The following LAMA3 variants were observed in gnomAD, a reference collection of about 807,000 sequenced individuals.
The protein encoded by LAMA3 is laminin subunit alpha-3.
Under a neutral mutation model 402.0 loss-of-function variants are expected in LAMA3, and 281 were observed. The observed-to-expected ratio is 0.70, with a 90% CI of 0.63 to 0.77. LAMA3 has a LOEUF of 0.77. Among genes scored for constraint, LAMA3 ranks in the 30% least tolerant of loss-of-function variants. The pLI, the probability that LAMA3 is intolerant of heterozygous loss-of-function variation, is 0.00. For missense variants in LAMA3, 3,840 were observed against 4,215.5 expected, an observed-to-expected ratio of 0.91 and a Z score of 2.47; for synonymous variants, 1,431 against 1,558.4, an observed-to-expected ratio of 0.92 and a Z score of 1.93.
Position 23,867,911 on chromosome 18 carries a change from G to T in LAMA3, c.4761G>T (p.Val1587=). Residue 1587 remains valine (V), a synonymous_variant, in exon 37 of 75, where the codon GTG becomes GTT. Coordinates refer to ENST00000313654, the MANE Select transcript of LAMA3 (RefSeq NM_198129.4). ...GGCTGCATCATGGACGAGTGCACGTGGTCGAGGTAAAGGAAGAGCAACCAT... is the reference window on the plus strand; with the variant it reads ...GGCTGCATCATGGACGAGTGCACGTTGTCGAGGTAAAGGAAGAGCAACCAT... ...PDRLHHGRVH[V]VEGNFRHASS... 1 of 1,613,736 alleles carries T rather than the reference G, an allele frequency of 6.2e-7. No homozygotes were observed. Among genetic ancestry groups the T allele is most frequent in the Non-Finnish European group, 8.5e-7 (1 of 1,179,716 alleles).
intron 2 of LAMA3, among the ~76,000 whole-genome samples, chr18:23,733,097 C>T (rs2061419451): frequency 6.6e-6 from 1 of 152,074 alleles, no homozygotes; most frequent in Admixed American, 6.6e-5. Context: ...GCCCAGGGAG[C>T]CAAGCAGAGG....
chr18:23,689,520 C>G lies in LAMA3; in HGVS notation c.-164C>G. 1.6e-6 allele frequency: 1 copy of G among 607,398 alleles called. No individual in the cohort carries two copies. The highest frequency in any genetic ancestry group is 2.4e-6 in the Non-Finnish European group (1 of 424,098). 37.6% of individuals were successfully genotyped at this position (607,398 alleles called of 1,614,324 possible). A position where few individuals can be genotyped will look rare whatever the true frequency, so the allele number is the denominator to read the frequency against. ...CCAGAGCTGAGAGGCCACCCCCACG[C>G]CGCGGGCTTCCAGCGCGTGGAGCAA... On this transcript the variant is annotated 5_prime_UTR_variant, in exon 1 of 75. Transcript: ENST00000313654.
chr18:23,870,689 A>G (rs1458744408), intron 37 of LAMA3, among the ~76,000 whole-genome samples: 2 of 152,240 alleles, frequency 1.3e-5, no homozygotes, highest in Admixed American at 1.3e-4. Flanking sequence ...AGGCTATAAT[A>G]TAGATGAACC....
chr18:23,880,654 G>A (rs143751037), intron 39 of LAMA3, among the ~76,000 whole-genome samples: 6,712 of 152,318 alleles, frequency 0.044, 385 homozygotes, highest in Admixed American at 0.16. Flanking sequence ...CGAGGCGGGC[G>A]AATCATGAAG....
intron 36 of LAMA3, among the ~76,000 whole-genome samples, chr18:23,867,554 A>C (rs1337981431): frequency 3.5e-5 from 1 of 28,784 alleles, no homozygotes; most frequent in South Asian, 6.4e-4. Flanking sequence ...ATCCCTGCCA[A>C]AAAAAAAAAA....
intron 2 of LAMA3, among the ~76,000 whole-genome samples, chr18:23,746,252 G>T (rs1442857261): frequency 6.6e-6 from 1 of 152,194 alleles, no homozygotes; most frequent in Non-Finnish European, 1.5e-5. Flanking sequence ...AGGGTTTCCA[G>T]TAATCAGTGT....
At chr18:23,858,650 G>A in intron 33 of LAMA3, 39 bp from the exon 34 acceptor site, 4 of 1,612,444 alleles carry the variant, frequency 2.5e-6, no homozygotes, top group East Asian at 2.2e-5. Flanking sequence ...GGGAAATTTT[G>A]GAACACGTGA....
chr18:23,807,342 A>G (rs2062981307), intron 12 of LAMA3, among the ~76,000 whole-genome samples: 1 of 152,200 alleles, frequency 6.6e-6, no homozygotes. Context: ...CTGGTCCTCT[A>G]AGAATACTTC....
chr18:23,862,636 C>T (rs2064250367), intron 35 of LAMA3, among the ~76,000 whole-genome samples: 1 of 152,210 alleles, frequency 6.6e-6, no homozygotes. Context: ...TCACTTAATA[C>T]TCCTCTTTAC....
chr18:23,784,953 A>G (rs2062513666), intron 12 of LAMA3, among the ~76,000 whole-genome samples: 1 of 152,206 alleles, frequency 6.6e-6, no homozygotes, highest in South Asian at 2.1e-4. Flanking sequence ...TATTATAGGT[A>G]ATTAGGTGCT....
chr18:23,810,566 C>G, intron 13 of LAMA3, 63 bp downstream of exon 13: 1 of 1,588,564 alleles, frequency 6.3e-7, no homozygotes, highest in Non-Finnish European at 8.6e-7. Context: ...AGCCAGCCTC[C>G]CAGAGAAGCC....
Position 23,756,406 on chromosome 18 carries a change from G to A in LAMA3, c.948-1990G>A, listed in dbSNP as rs574564589. 1.5e-3 allele frequency among the ~76,000 whole-genome samples: 229 copies of A among 148,186 alleles called. 1 individual carries two copies. The highest frequency in any genetic ancestry group is 5.4e-3 in the African/African-American group (217 of 40,338). ...AAAAAAAAGCTGTTTGCTCAATGCC[G>A]CACAAACGACGGCATGCGGGGACAC... On this transcript the variant is annotated intron_variant, in intron 6 of 74. Coordinates refer to ENST00000313654, the MANE Select transcript of LAMA3 (RefSeq NM_198129.4).
chr18:23,689,849 G>A lies in LAMA3; in HGVS notation c.166G>A (p.Glu56Lys). ...TCACCCGACTTACTTCAACCTGGCC[G>A]AGGCGGCGAGGATTTGGGCCACCGC... ...SLHPTYFNLA[E>K]AARIWATATC... Residue 56 changes from glutamate to lysine, a missense_variant, in exon 1 of 75, where the codon GAG (glutamate) becomes AAG (lysine). Glu to Lys is a moderately conservative substitution (Grantham distance 56). Coordinates refer to ENST00000313654, the MANE Select transcript of LAMA3 (RefSeq NM_198129.4). 1.3e-6 allele frequency: 2 copies of A among 1,552,780 alleles called. No homozygotes were observed. The highest frequency in any genetic ancestry group is 8.7e-7 in the Non-Finnish European group (1 of 1,148,828).
In LAMA3 at chr18:23,946,276, A is replaced by G. The variant is rs767282965; in HGVS notation, c.9343A>G (p.Lys3115Glu). Reference protein sequence around the residue: ...PVYLGSPPSGKPKSLPTNSFV... With the variant: ...PVYLGSPPSGEPKSLPTNSFV... Reference sequence around the variant, plus strand: ...TTACCTGGGATCACCTCCATCAGGGAAACCAAAGGTAAATAGTTATGTTCA... The same window carrying G: ...TTACCTGGGATCACCTCCATCAGGGGAACCAAAGGTAAATAGTTATGTTCA... The change falls in exon 70 of 75, where the codon AAA becomes GAA. Residue 3115 changes from lysine (K) to glutamate (E), a missense_variant. Coordinates refer to ENST00000313654, the MANE Select transcript of LAMA3 (RefSeq NM_198129.4). 29 of 1,614,194 alleles carry G rather than the reference A, an allele frequency of 1.8e-5. No individual in the cohort carries two copies. In the South Asian group the frequency reaches 3.2e-4, roughly 18 times the overall value.
chr18:23,940,235 A>C (rs957744155), intron 68 of LAMA3, among the ~76,000 whole-genome samples: 9 of 152,208 alleles, frequency 5.9e-5, no homozygotes, highest in Non-Finnish European at 1.2e-4. Flanking sequence ...GGGCGCAGGG[A>C]GGACAGAGCC....
chr18:23,864,190 A>G (rs1332765749), intron 35 of LAMA3, among the ~76,000 whole-genome samples: 2 of 151,542 alleles, frequency 1.3e-5, no homozygotes, highest in East Asian at 1.9e-4. Context: ...GAACACGACT[A>G]TTATTTTTCT....
intron 19 of LAMA3, among the ~76,000 whole-genome samples, chr18:23,820,856 A>G (rs1418006297): frequency 6.6e-6 from 1 of 152,284 alleles, no homozygotes; most frequent in East Asian, 1.9e-4. Context: ...ACAGGGCCAC[A>G]GTACTCTCAG....
chr18:23,857,844 A>G lies in LAMA3; in HGVS notation c.4137A>G (p.Arg1379=), dbSNP rs778227062. The change falls in exon 33 of 75, where the codon AGA becomes AGG. Residue 1379 remains arginine (R), a splice_region_variant and synonymous_variant. Coordinates refer to ENST00000313654, the MANE Select transcript of LAMA3 (RefSeq NM_198129.4). Reference sequence around the variant, plus strand: ...TTTGCTTCCTTTACTTTGTGTACAGATGCAAGCCCAGAATCACAGGGCGGC... The same window carrying G: ...TTTGCTTCCTTTACTTTGTGTACAGGTGCAAGCCCAGAATCACAGGGCGGC... ...PECDRDSGQC[R]CKPRITGRQC... is the part of the protein sequence containing the mutation. 2 of 1,614,236 alleles carry G rather than the reference A, an allele frequency of 1.2e-6. No individual in the cohort carries two copies. The highest frequency in any genetic ancestry group is 1.7e-6 in the Non-Finnish European group (2 of 1,180,038).
At chr18:23,847,712 C>A in intron 32 of LAMA3, 44 bp downstream of exon 32, 1 of 1,569,060 alleles carries the variant, frequency 6.4e-7, no homozygotes, top group South Asian at 1.1e-5. Context: ...ACAGGGAGGT[C>A]GCGTGCCATC....
Sources: allele counts gnomAD v4.1 joint callset (sites outside exome capture counted in the v4.1 genomes callset), GRCh38; gene constraint gnomAD v4.1.1; transcripts MANE v1.5; gene names NCBI Gene and HGNC (gene_info 2026-07-23, HGNC 2026-07-21).